TICAM2: variants seen among roughly 807,000 people sequenced by gnomAD.
TICAM2 encodes TIR domain-containing adapter molecule 2.
In TICAM2, 8 loss-of-function variants were observed where a neutral mutation model predicts 7.3. That is an observed-to-expected ratio of 1.10 (90% CI 0.65 to 1.99). TICAM2 has a LOEUF of 1.99. TICAM2 is among the 30% of genes most tolerant of loss of function. The pLI, the probability that TICAM2 is intolerant of heterozygous loss-of-function variation, is 0.00. For missense variants in TICAM2, 304 were observed against 278.8 expected (o/e 1.09, Z -0.65); for synonymous variants, 113 against 99.6 (o/e 1.13, Z -0.80).
At chr5:115,586,418 G>GA (rs3072127) in intron 1 of TICAM2, among the ~76,000 whole-genome samples, 5,175 of 133,316 alleles carry the variant, frequency 0.039, 105 homozygotes, top group South Asian at 0.11. Flanking sequence ...TAGAGTGTTG[G>GA]AAAAAAAAAA....
chr5:115,586,852 C>A (rs1755124206), intron 1 of TICAM2, among the ~76,000 whole-genome samples: 1 of 152,072 alleles, frequency 6.6e-6, no homozygotes, highest in African/African-American at 2.4e-5. Flanking sequence ...AGATGTGAAG[C>A]CAGGATAATT....
chr5:115,593,326 A>G (rs1271813875), intron 1 of TICAM2, among the ~76,000 whole-genome samples: 3 of 152,080 alleles, frequency 2.0e-5, no homozygotes, highest in Non-Finnish European at 4.4e-5. Flanking sequence ...GTTTAGCAAG[A>G]AAATGGATAT....
At chr5:115,596,905 T>G (rs940446317) in intron 1 of TICAM2, among the ~76,000 whole-genome samples, 1 of 152,126 alleles carries the variant, frequency 6.6e-6, no homozygotes, top group African/African-American at 2.4e-5. Context: ...TGGGAGACAG[T>G]GAGACTCCGT....
chr5:115,591,506 T>C (rs911428893), intron 1 of TICAM2, among the ~76,000 whole-genome samples: 1 of 152,162 alleles, frequency 6.6e-6, no homozygotes, highest in African/African-American at 2.4e-5. Context: ...TTTCAAACTT[T>C]TATTAATAAC....
intron 1 of TICAM2, among the ~76,000 whole-genome samples, chr5:115,597,470 T>C (rs528840603): frequency 2.6e-4 from 39 of 152,324 alleles, no homozygotes; most frequent in Non-Finnish European, 4.6e-4. Flanking sequence ...ACATTATTCA[T>C]ATGATCGAAT....
At chr5:115,588,886 A>T (rs1018326782) in intron 1 of TICAM2, among the ~76,000 whole-genome samples, 3 of 152,334 alleles carry the variant, frequency 2.0e-5, no homozygotes, top group African/African-American at 7.2e-5. Context: ...AGGCCAGTAG[A>T]CAAGTCTGTT....
intron 1 of TICAM2, among the ~76,000 whole-genome samples, chr5:115,597,347 GACTATA>G (rs1408830643): frequency 6.6e-6 from 1 of 152,028 alleles, no homozygotes; most frequent in African/African-American, 2.4e-5. Context: ...TGAGTTATAT[GACTATA>G]TTTTATTATC....
intron 1 of TICAM2, among the ~76,000 whole-genome samples, chr5:115,592,112 A>G (rs977413320): frequency 6.6e-6 from 1 of 152,248 alleles, no homozygotes; most frequent in African/African-American, 2.4e-5. Context: ...CTTTAACGTG[A>G]TGAAAGAAAA....
intron 1 of TICAM2, 182 bp downstream of exon 1, chr5:115,601,915 G>C (rs1229900573): frequency 6.6e-6 from 1 of 152,236 alleles, no homozygotes; most frequent in Non-Finnish European, 1.5e-5. Context: ...TAAGCCAAGT[G>C]ACGGAAAGGC....
intron 1 of TICAM2, 123 bp downstream of exon 1, chr5:115,601,974 C>A (rs1755768363): frequency 6.6e-6 from 1 of 152,192 alleles, no homozygotes; most frequent in Non-Finnish European, 1.5e-5. Context: ...GCCGTCGGGT[C>A]GGGTAGGCTG....
Position 115,578,503 on chromosome 5 carries a change from TTTTC to T in TICAM2, c.*2042_*2045del, listed in dbSNP as rs1754802521. The T allele has an allele frequency of 6.6e-6, 1 of 152,086 alleles. No homozygotes were observed. Among genetic ancestry groups the T allele is most frequent in the Admixed American group, 6.5e-5 (1 of 15,270 alleles). The allele number at this position is 152,086 out of a possible 1,614,324, so 9.4% of individuals were successfully genotyped here. ...GTGAGCCACCGCGCCCGGCCAACATTTTTCTTTATCATAAAAAAAATATGGAACT... is the reference window on the plus strand; with the variant it reads ...GTGAGCCACCGCGCCCGGCCAACATTTTTATCATAAAAAAAATATGGAACT... On this transcript the variant is annotated 3_prime_UTR_variant, in exon 2 of 2. Transcript: ENST00000427199.
Position 115,580,978 on chromosome 5 carries a change from G to T in TICAM2, c.279C>A (p.Ala93=), listed in dbSNP as rs568136006. 2 of 1,613,738 alleles carry T rather than the reference G, an allele frequency of 1.2e-6. No homozygotes were observed. Among genetic ancestry groups the T allele is most frequent in the Non-Finnish European group, 1.7e-6 (2 of 1,179,836 alleles). The part of the protein sequence containing the change: ...ILHAEDDTDE[A]LRVQNLLQDD... Reference sequence around the variant, plus strand: ...CTTGTAGCAGATTCTGGACTCTGAGGGCTTCATCTGTGTCATCTTCTGCAT... The same window carrying T: ...CTTGTAGCAGATTCTGGACTCTGAGTGCTTCATCTGTGTCATCTTCTGCAT... The change falls in exon 2 of 2, where the codon GCC becomes GCA. Residue 93 remains alanine (A), a synonymous_variant. Coordinates refer to ENST00000427199, the MANE Select transcript of TICAM2 (RefSeq NM_021649.7).
rs141623483 is a variant in TICAM2 at position 115,601,034 on chromosome 5, A to G, written c.-60+1063T>C. ...CCATACGGTAAGGCGTACATGTCAC[A>G]TTTACTTTGCTTCAAATGTAGGTGT... On this transcript the variant is annotated intron_variant, in intron 1 of 1. Transcript: ENST00000427199. 8.8e-3 allele frequency among the ~76,000 whole-genome samples: 1,335 copies of G among 152,288 alleles called. 16 individuals are homozygous for G. Among genetic ancestry groups the G allele is most frequent in the African/African-American group, 0.031 (1,269 of 41,552 alleles).
intron 1 of TICAM2, among the ~76,000 whole-genome samples, chr5:115,582,676 G>A (rs906420868): frequency 5.3e-5 from 8 of 152,144 alleles, no homozygotes; most frequent in African/African-American, 1.9e-4. Context: ...TATAAATACA[G>A]GTTTCATACT....
At chr5:115,588,738 C>T (rs1755201720) in intron 1 of TICAM2, among the ~76,000 whole-genome samples, 1 of 152,204 alleles carries the variant, frequency 6.6e-6, no homozygotes, top group Non-Finnish European at 1.5e-5. Flanking sequence ...GATGTACTTA[C>T]ACGTCTGAGT....
At chr5:115,591,893 CAATA>C (rs1755318449) in intron 1 of TICAM2, among the ~76,000 whole-genome samples, 1 of 151,948 alleles carries the variant, frequency 6.6e-6, no homozygotes, top group Non-Finnish European at 1.5e-5. Flanking sequence ...AAAGACTTTG[CAATA>C]TTGAAGAAAA....
chr5:115,583,661 G>C (rs1310972458), intron 1 of TICAM2, among the ~76,000 whole-genome samples: 2 of 152,212 alleles, frequency 1.3e-5, no homozygotes, highest in Admixed American at 6.5e-5. Flanking sequence ...CTGTGACTCA[G>C]ACATGGAGAG....
chr5:115,597,239 T>C (rs1221949042), intron 1 of TICAM2, among the ~76,000 whole-genome samples: 1 of 152,224 alleles, frequency 6.6e-6, no homozygotes, highest in Non-Finnish European at 1.5e-5. Flanking sequence ...TCTCCCTCTG[T>C]TATTTAGGTT....
At chr5:115,601,977 G>A (rs1171194166) in intron 1 of TICAM2, 120 bp downstream of exon 1, 1 of 152,204 alleles carries the variant, frequency 6.6e-6, no homozygotes, top group African/African-American at 2.4e-5. Context: ...GTCGGGTCGG[G>A]TAGGCTGGGG....
Sources: gnomAD v4.1 joint callset for allele counts (sites outside exome capture counted in the v4.1 genomes callset) on GRCh38, gnomAD v4.1.1 for gene constraint, MANE v1.5 for transcripts, NCBI Gene and HGNC (gene_info 2026-07-23, HGNC 2026-07-21) for gene names.